PCNX2: variants seen among roughly 807,000 people sequenced by gnomAD.
The protein encoded by PCNX2 is pecanex 2, also known as pecanex-like protein 2.
In PCNX2, 168 loss-of-function variants were observed where a neutral mutation model predicts 223.8. The observed-to-expected ratio is 0.75, with a 90% confidence interval of 0.66 to 0.85. PCNX2 has a LOEUF of 0.85. PCNX2 is among the 40% of genes least tolerant of loss of function. PCNX2 has a pLI of 0.00. For missense variants in PCNX2, 2,507 were observed against 2,675.5 expected, an observed-to-expected ratio of 0.94 and a Z score of 1.39; for synonymous variants, 1,006 against 1,052.6, an observed-to-expected ratio of 0.96 and a Z score of 0.86.
chr1:233,168,528 T>C (rs1441128605), intron 17 of PCNX2, among the ~76,000 whole-genome samples: 2 of 152,142 alleles, frequency 1.3e-5, no homozygotes, highest in Non-Finnish European at 2.9e-5. Flanking sequence ...TGTGATATCA[T>C]ACACATACAA....
At chr1:233,288,727 T>C in intron 1 of PCNX2, 1 of 583,908 alleles carries the variant, frequency 1.7e-6, no homozygotes, top group Non-Finnish European at 3.0e-6. Context: ...GACAACTGCA[T>C]GGGATGGCAT....
chr1:233,090,391 C>T (rs777422985), intron 22 of PCNX2, among the ~76,000 whole-genome samples: 4 of 152,110 alleles, frequency 2.6e-5, no homozygotes, highest in African/African-American at 7.2e-5. Context: ...TTCACCACCA[C>T]GTAAACCAAA....
chr1:233,084,797 T>C (rs1673520725), intron 23 of PCNX2, among the ~76,000 whole-genome samples: 1 of 152,202 alleles, frequency 6.6e-6, no homozygotes, highest in Admixed American at 6.5e-5. Context: ...TTCTAAAGCT[T>C]TCTAAAATGC....
chr1:233,157,764 A>C (rs1361151485), intron 19 of PCNX2, among the ~76,000 whole-genome samples: 1 of 152,206 alleles, frequency 6.6e-6, no homozygotes, highest in Non-Finnish European at 1.5e-5. Flanking sequence ...AACTGGGCTT[A>C]AATCATCTTT....
At chr1:233,248,857 C>A (rs977423339) in intron 8 of PCNX2, among the ~76,000 whole-genome samples, 1 of 152,170 alleles carries the variant, frequency 6.6e-6, no homozygotes, top group African/African-American at 2.4e-5. Flanking sequence ...AGCACCCCAA[C>A]ACAACCTCAC....
intron 1 of PCNX2, among the ~76,000 whole-genome samples, chr1:233,290,518 T>C (rs1440742608): frequency 1.3e-5 from 2 of 152,156 alleles, no homozygotes; most frequent in Non-Finnish European, 2.9e-5. Flanking sequence ...AGTAAAATCT[T>C]GGGAAAACAT....
At chr1:233,174,024 T>C (rs950597677) in intron 17 of PCNX2, among the ~76,000 whole-genome samples, 1 of 147,706 alleles carries the variant, frequency 6.8e-6, no homozygotes, top group Non-Finnish European at 1.5e-5. Context: ...TATTTTGCTT[T>C]TCATTTTATA....
chr1:233,140,224 C>G (rs1677028358), intron 19 of PCNX2, among the ~76,000 whole-genome samples: 1 of 152,124 alleles, frequency 6.6e-6, no homozygotes. Context: ...TGTCTGTCTC[C>G]TTTTAAGCTA....
chr1:233,078,166 C>T (rs1673183683), intron 23 of PCNX2, among the ~76,000 whole-genome samples: 1 of 152,208 alleles, frequency 6.6e-6, no homozygotes. Context: ...TCTCACAGAG[C>T]CTCAAATGCA....
chr1:233,228,268 C>T (rs1305224283), intron 9 of PCNX2, among the ~76,000 whole-genome samples: 1 of 152,184 alleles, frequency 6.6e-6, no homozygotes, highest in East Asian at 1.9e-4. Context: ...GTTTGCTTGT[C>T]ACTTCTTGCT....
Position 233,095,802 on chromosome 1 carries a change from G to C in PCNX2, c.3899C>G (p.Ala1300Gly). The change falls in exon 22 of 34, where the codon GCT (alanine) becomes GGT (glycine). Residue 1300 changes from alanine (A) to glycine (G), a missense_variant. Physicochemically the swap from Ala to Gly is moderately conservative, Grantham distance 60 (BLOSUM62 0). Coordinates refer to ENST00000258229, the MANE Select transcript of PCNX2 (RefSeq NM_014801.4). ...VLTYVAPWQM[A>G]WGSSFHVFAQ... ...AAACACGTGAAACGAAGAACCCCAA[G>C]CCATCTGCCAAGGAGCCACATATGT... The C allele has an allele frequency of 1.9e-6, 3 of 1,612,800 alleles. No homozygotes were observed. The highest frequency in any genetic ancestry group is 2.5e-6 in the Non-Finnish European group (3 of 1,179,398).
chr1:233,017,386 C>G (rs866165532), intron 26 of PCNX2, among the ~76,000 whole-genome samples: 1 of 140,856 alleles, frequency 7.1e-6, no homozygotes, highest in African/African-American at 2.7e-5. Context: ...GGTGCGATCT[C>G]GGCTCACTGC....
At chr1:233,223,659 G>A (rs1558362213) in intron 10 of PCNX2, among the ~76,000 whole-genome samples, 1 of 152,014 alleles carries the variant, frequency 6.6e-6, no homozygotes, top group Non-Finnish European at 1.5e-5. Context: ...TTGCCTCTCT[G>A]TGTCCATGTG....
intron 9 of PCNX2, among the ~76,000 whole-genome samples, chr1:233,235,957 A>AAAAAAAAAAATATATATATATATATAT (rs369886650): frequency 1.1e-5 from 1 of 93,114 alleles, no homozygotes; most frequent in African/African-American, 3.9e-5. Flanking sequence ...CATAAAAAAA[A>AAAAAAAAAAATATATATATATATATAT]ATATATATAT....
intron 4 of PCNX2, 52 bp downstream of exon 4, chr1:233,261,233 T>C: frequency 1.4e-6 from 2 of 1,476,132 alleles, no homozygotes; most frequent in Non-Finnish European, 1.9e-6. Context: ...AAAATATTTC[T>C]CACTTCACTG....
At position 233,258,435 on chromosome 1, in the gene PCNX2, C is replaced by T. The variant is rs371900215; in HGVS notation, c.1427G>A (p.Gly476Glu). Residue 476 changes from glycine to glutamate, a missense_variant, in exon 5 of 34, where the codon GGA becomes GAA. By Grantham distance (98) the Gly-to-Glu change is moderately conservative. This residue lies in a region of PCNX2 where 1,031 missense variants were observed against 1,021.7 expected (regional missense o/e 1.01). Coordinates refer to ENST00000258229, the MANE Select transcript of PCNX2 (RefSeq NM_014801.4). ...AGAACTGTGATCCTTGATGGCATTT[C>T]CCCCCTCCCCAGATCCGTAGCCAGA... ...QCSGYGSGEG[G>E]NAIKDHSSSS... 3.7e-6 allele frequency: 6 copies of T among 1,613,878 alleles called. No individual in the cohort carries two copies. The highest frequency in any genetic ancestry group is 5.1e-6 in the Non-Finnish European group (6 of 1,179,852).
chr1:233,250,883 G>A, intron 7 of PCNX2, 51 bp from the exon 8 acceptor site: 1 of 1,513,840 alleles, frequency 6.6e-7, no homozygotes, highest in Non-Finnish European at 8.9e-7. Flanking sequence ...TATTCATATA[G>A]AATCGTTTCA....
intron 23 of PCNX2, among the ~76,000 whole-genome samples, chr1:233,071,703 G>A (rs766137798): frequency 6.6e-6 from 1 of 152,104 alleles, no homozygotes; most frequent in Non-Finnish European, 1.5e-5. Context: ...TCTGTTTTTA[G>A]GTCTTTGAAG....
intron 20 of PCNX2, among the ~76,000 whole-genome samples, chr1:233,135,897 A>T (rs2477857): frequency 0.61 from 92,067 of 152,028 alleles, 29,354 homozygotes; most frequent in African/African-American, 0.81. Context: ...GCTCAGCAAA[A>T]CAGGCAAAGA....
Sources: allele counts gnomAD v4.1 joint callset (sites outside exome capture counted in the v4.1 genomes callset), GRCh38; gene constraint gnomAD v4.1.1; regional missense constraint gnomAD v4.1.1; transcripts MANE v1.5; gene names NCBI Gene and HGNC (gene_info 2026-07-23, HGNC 2026-07-21).